The following WSB2 variants were observed in gnomAD, a reference collection of about 807,000 sequenced individuals.
The protein encoded by WSB2 is WD repeat and SOCS box-containing protein 2.
WSB2 carries 12 observed loss-of-function variants against 48.8 expected under a neutral mutation model. The ratio of observed to expected loss-of-function variants is 0.25; its 90% CI spans 0.16 to 0.40. WSB2 has a LOEUF of 0.40. Ranked by LOEUF, WSB2 falls within the 10% of genes least tolerant of loss-of-function variation. The probability of loss-of-function intolerance (pLI) is 1.00; values close to 1 mark genes in which losing one functional copy is unlikely to be tolerated. For synonymous variants in WSB2, 191 were observed against 203.1 expected, an observed-to-expected ratio of 0.94 and a Z score of 0.51; for missense variants, 317 against 506.2, an observed-to-expected ratio of 0.63 and a Z score of 3.59.
Position 118,054,681 on chromosome 12 carries a change from A to T in WSB2, c.14-2203T>A, listed in dbSNP as rs556628208. 1.9e-3 allele frequency among the ~76,000 whole-genome samples: 248 copies of T among 130,624 alleles called. 1 individual carries two copies. The highest frequency in any genetic ancestry group is 6.3e-3 in the African/African-American group (230 of 36,568). The allele number at this position is 130,624 out of a possible 152,430, so 85.7% of individuals were successfully genotyped here. On this transcript the variant is annotated intron_variant, in intron 1 of 8. Transcript: ENST00000315436. Reference sequence around the variant, plus strand: ...AACAAGAGTGAAACTCTGTCTCAAAAAATAATAATAATAATAATAATAATA... The same window carrying T: ...AACAAGAGTGAAACTCTGTCTCAAATAATAATAATAATAATAATAATAATA...
chr12:118,051,593 T>C (rs2031853875), intron 2 of WSB2, among the ~76,000 whole-genome samples: 1 of 152,188 alleles, frequency 6.6e-6, no homozygotes. Flanking sequence ...AGATTAGTGG[T>C]TGCCTGGAGA....
chr12:118,035,280 A>T lies in WSB2; in HGVS notation c.878T>A (p.Ile293Asn). ...DPAMDDSDVHISSLRSVCFSP... is the reference protein window; with the variant it reads ...DPAMDDSDVHNSSLRSVCFSP... The stretch of plus-strand genomic sequence containing the variant: ...GAAGCACACAGATCTCAGTGAGCTA[A>T]TGTGGACGTCACTGTCATCCATGGC... The change falls in exon 7 of 9, where the codon ATT becomes AAT. Residue 293 changes from isoleucine (I) to asparagine (N), a missense_variant. This residue lies in a region of WSB2 where 189 missense variants were observed against 349.6 expected (regional missense o/e 0.54). Coordinates refer to ENST00000315436, the MANE Select transcript of WSB2 (RefSeq NM_018639.5). 1 of 1,614,214 alleles carries T rather than the reference A, an allele frequency of 6.2e-7. No homozygotes were observed. The highest frequency in any genetic ancestry group is 8.5e-7 in the Non-Finnish European group (1 of 1,180,036).
chr12:118,044,521 A>G (rs897488164), intron 2 of WSB2, among the ~76,000 whole-genome samples: 8 of 152,164 alleles, frequency 5.3e-5, no homozygotes, highest in African/African-American at 1.2e-4. Flanking sequence ...AGGCTCCTTC[A>G]TTTACTTCCT....
chr12:118,052,876 T>C (rs1339743735), intron 1 of WSB2, among the ~76,000 whole-genome samples: 1 of 152,112 alleles, frequency 6.6e-6, no homozygotes, highest in Non-Finnish European at 1.5e-5. Flanking sequence ...CCTGCTGCTG[T>C]CAAAGAAGGA....
chr12:118,041,019 A>G (rs1190509321), intron 4 of WSB2, among the ~76,000 whole-genome samples: 1 of 152,268 alleles, frequency 6.6e-6, no homozygotes. Context: ...ACTGCACTCC[A>G]GCCTGGGTGA....
At chr12:118,038,507 TGGGCCCAA>T (rs996264287) in intron 4 of WSB2, 119 bp from the exon 5 acceptor site, 12 of 853,432 alleles carry the variant, frequency 1.4e-5, no homozygotes, top group Admixed American at 3.0e-5. Context: ...TCCTATCAGC[TGGGCCCAA>T]GGGTCCAATT....
chr12:118,041,988 T>G (rs901376103), intron 4 of WSB2, among the ~76,000 whole-genome samples: 2 of 152,112 alleles, frequency 1.3e-5, no homozygotes, highest in African/African-American at 4.8e-5. Flanking sequence ...ACTCCTGACC[T>G]CAGGTGATCC....
At chr12:118,049,954 C>G (rs1366624902) in intron 2 of WSB2, among the ~76,000 whole-genome samples, 1 of 152,192 alleles carries the variant, frequency 6.6e-6, no homozygotes, top group East Asian at 1.9e-4. Flanking sequence ...ATTTATCTAA[C>G]GACTCTCAGT....
At chr12:118,044,655 A>G (rs2031709312) in intron 2 of WSB2, among the ~76,000 whole-genome samples, 1 of 152,176 alleles carries the variant, frequency 6.6e-6, no homozygotes, top group Non-Finnish European at 1.5e-5. Flanking sequence ...CCTACAATTC[A>G]ACTTACAGTG....
At chr12:118,053,759 A>G (rs529651038) in intron 1 of WSB2, among the ~76,000 whole-genome samples, 1 of 152,286 alleles carries the variant, frequency 6.6e-6, no homozygotes, top group South Asian at 2.1e-4. Flanking sequence ...ACTTACTAAT[A>G]TAAAAACTGG....
Position 118,035,300 on chromosome 12 carries a change from C to T in WSB2, c.858G>A (p.Met286Ile), listed in dbSNP as rs747489506. ...SLHHTQVDPA[M>I]DDSDVHISSL... Reference sequence around the variant, plus strand: ...AGCTAATGTGGACGTCACTGTCATCCATGGCGGGGTCAACCTGGGTGTGGC... The same window carrying T: ...AGCTAATGTGGACGTCACTGTCATCTATGGCGGGGTCAACCTGGGTGTGGC... Residue 286 changes from methionine to isoleucine, a missense_variant, in exon 7 of 9, where the codon ATG becomes ATA. This residue lies in a region of WSB2 where 189 missense variants were observed against 349.6 expected (regional missense o/e 0.54). Transcript: ENST00000315436. The T allele has an allele frequency of 8.1e-6, 13 of 1,614,094 alleles. No individual in the cohort carries two copies. The highest frequency in any genetic ancestry group is 8.5e-6 in the Non-Finnish European group (10 of 1,180,046).
At chr12:118,048,138 A>G (rs1660395244) in intron 2 of WSB2, among the ~76,000 whole-genome samples, 1 of 152,068 alleles carries the variant, frequency 6.6e-6, no homozygotes, top group Non-Finnish European at 1.5e-5. Context: ...TACGTTGCCC[A>G]TGCTGATCTA....
Position 118,042,887 on chromosome 12 carries a change from G to A in WSB2, c.513C>T (p.Ser171=), listed in dbSNP as rs145664213. 4.3e-5 allele frequency: 69 copies of A among 1,614,018 alleles called. No homozygotes were observed. Among genetic ancestry groups the A allele is most frequent in the Admixed American group, 2.7e-4 (16 of 59,994 alleles). The change falls in exon 4 of 9, where the codon TCC becomes TCT. Residue 171 remains serine (S), a synonymous_variant. Transcript: ENST00000315436. ...FTPSGSLILV[S]ASRDKTLRIW... is the part of the protein sequence containing the mutation. ...TGCGAAGAGTCTTATCCCGTGACGC[G>A]GAGACCAAAATCAAACTGCCACTGG...
chr12:118,056,770 G>A (rs2031964826), intron 1 of WSB2, among the ~76,000 whole-genome samples: 1 of 151,874 alleles, frequency 6.6e-6, no homozygotes, highest in South Asian at 2.1e-4. Context: ...GCATAGTGGC[G>A]GGCGCCTGTA....
At position 118,052,392 on chromosome 12, in the gene WSB2, A is replaced by G; in HGVS notation, c.100T>C (p.Phe34Leu). 1 of 1,614,212 alleles carries G rather than the reference A, an allele frequency of 6.2e-7. No individual in the cohort carries two copies. Among genetic ancestry groups the G allele is most frequent in the Non-Finnish European group, 8.5e-7 (1 of 1,180,024 alleles). ...GCAAACCAGGAGCCATCTGGGGAGA[A>G]GGCGACGCTCCAGGTTTCACAGCTG... is the stretch of plus-strand genomic sequence containing the variant. Reference protein sequence around the residue: ...KSSCETWSVAFSPDGSWFAWS... With the variant: ...KSSCETWSVALSPDGSWFAWS... Residue 34 changes from phenylalanine to leucine, a missense_variant, in exon 2 of 9, where the codon TTC (phenylalanine) becomes CTC (leucine). Coordinates refer to ENST00000315436, the MANE Select transcript of WSB2 (RefSeq NM_018639.5).
chr12:118,061,350 A>C, upstream of WSB2: 21 of 137,310 alleles, frequency 1.5e-4, no homozygotes, highest in Non-Finnish European at 2.3e-4. Flanking sequence ...CTCAGGGGAA[A>C]CGGGGGCGGG....
At chr12:118,034,866 T>C (rs2031469836) in intron 8 of WSB2, 120 bp downstream of exon 8, 17 of 866,862 alleles carry the variant, frequency 2.0e-5, no homozygotes, top group Non-Finnish European at 3.0e-5. Flanking sequence ...TATATAATCT[T>C]GAATTGCCTT....
rs1320951502 is a variant in WSB2, at chr12:118,061,074, AGGCGGCGGGCGCCT to A, written c.-40_-27del. ...GGAGGACGCGAGCGGCCCCCGCGGC[AGGCGGCGGGCGCCT>A]CAGCCCCCCGGGCCGCGGGCCCTCA... On this transcript the variant is annotated 5_prime_UTR_variant, in exon 1 of 9. It removes the in-frame stop codon of an upstream open reading frame in the 5' UTR. Coordinates refer to ENST00000315436, the MANE Select transcript of WSB2 (RefSeq NM_018639.5). 1 of 981,814 alleles carries A rather than the reference AGGCGGCGGGCGCCT, an allele frequency of 1.0e-6. No homozygotes were observed. Among genetic ancestry groups the A allele is most frequent in the African/African-American group, 1.8e-5 (1 of 56,182 alleles). The allele number at this position is 981,814 out of a possible 1,614,324, so 60.8% of individuals were successfully genotyped here.
At position 118,033,058 on chromosome 12, in the gene WSB2, T is replaced by C. The variant is rs578158454; in HGVS notation, c.*1138A>G. The C allele has an allele frequency of 3.9e-5, 6 of 152,322 alleles. No homozygotes were observed. Among genetic ancestry groups the C allele is most frequent in the Admixed American group, 3.9e-4 (6 of 15,302 alleles). The allele number at this position is 152,322 out of a possible 1,614,324, so 9.4% of individuals were successfully genotyped here. On this transcript the variant is annotated 3_prime_UTR_variant, in exon 9 of 9. Coordinates refer to ENST00000315436, the MANE Select transcript of WSB2 (RefSeq NM_018639.5). ...ACACTGGCCTCCATAAAGCACCGAT[T>C]AAGAAAGCTAAAGAATAAGATGTTG...
Sources: allele counts gnomAD v4.1 joint callset (sites outside exome capture counted in the v4.1 genomes callset), GRCh38; gene constraint gnomAD v4.1.1; regional missense constraint gnomAD v4.1.1; transcripts MANE v1.5; gene names NCBI Gene and HGNC (gene_info 2026-07-23, HGNC 2026-07-21).